ENTHD1: variants seen among roughly 807,000 people sequenced by gnomAD.
ENTHD1 encodes ENTH domain containing 1.
Under a neutral mutation model 39.1 loss-of-function variants are expected in ENTHD1, and 23 were observed. The observed-to-expected ratio is 0.59, with a 90% CI of 0.42 to 0.83. The LOEUF (loss-of-function observed/expected upper bound fraction) is 0.83, where lower values mean the gene tolerates loss of function less well. Among genes scored for constraint, ENTHD1 ranks in the 40% least tolerant of loss-of-function variants. The pLI, the probability that ENTHD1 is intolerant of heterozygous loss-of-function variation, is 0.00. For synonymous variants in ENTHD1, 230 were observed against 258.2 expected (o/e 0.89, Z 1.05); for missense variants, 624 against 705.4 (o/e 0.88, Z 1.31).
chr22:39,809,727 G>C (rs576887714), intron 5 of ENTHD1, among the ~76,000 whole-genome samples: 2 of 152,286 alleles, frequency 1.3e-5, no homozygotes, highest in African/African-American at 4.8e-5. Flanking sequence ...TCATCTGTAG[G>C]CTGAGATGAC....
At chr22:39,838,117 G>A (rs187577010) in intron 3 of ENTHD1, among the ~76,000 whole-genome samples, 2 of 152,242 alleles carry the variant, frequency 1.3e-5, no homozygotes, top group African/African-American at 2.4e-5. Flanking sequence ...TGTATTGACA[G>A]ATATACTGCA....
chr22:39,819,426 T>C (rs1337865313), intron 5 of ENTHD1, among the ~76,000 whole-genome samples: 1 of 149,812 alleles, frequency 6.7e-6, no homozygotes, highest in Admixed American at 6.6e-5. Flanking sequence ...AGAAAAGAGC[T>C]ATCAAGCCGT....
At chr22:39,814,351 T>C (rs929250980) in intron 5 of ENTHD1, among the ~76,000 whole-genome samples, 16 of 150,638 alleles carry the variant, frequency 1.1e-4, no homozygotes, top group African/African-American at 3.9e-4. Context: ...TCCCAGCTAC[T>C]TGGGAGGCTG....
chr22:39,752,927 T>G (rs1403563482), intron 6 of ENTHD1, among the ~76,000 whole-genome samples: 2 of 152,218 alleles, frequency 1.3e-5, no homozygotes, highest in African/African-American at 4.8e-5. Flanking sequence ...TTTCCTCAGT[T>G]TCTGGCTCTG....
intron 2 of ENTHD1, among the ~76,000 whole-genome samples, chr22:39,881,651 T>C (rs1444660440): frequency 2.0e-5 from 3 of 152,166 alleles, no homozygotes; most frequent in Admixed American, 6.5e-5. Context: ...TTAGTAGGGA[T>C]AGACAATAAA....
intron 5 of ENTHD1, among the ~76,000 whole-genome samples, chr22:39,791,969 T>C (rs1339249533): frequency 2.0e-5 from 3 of 152,120 alleles, no homozygotes; most frequent in African/African-American, 4.8e-5. Flanking sequence ...CTCCCACTTA[T>C]AAGTGAGAAT....
intron 5 of ENTHD1, among the ~76,000 whole-genome samples, chr22:39,772,445 A>G (rs2065334412): frequency 6.6e-6 from 1 of 152,196 alleles, no homozygotes; most frequent in Non-Finnish European, 1.5e-5. Flanking sequence ...TGCAATGGTG[A>G]CACAATATTA....
intron 6 of ENTHD1, among the ~76,000 whole-genome samples, chr22:39,759,696 A>T (rs2065215117): frequency 1.3e-5 from 2 of 151,966 alleles, no homozygotes; most frequent in South Asian, 2.1e-4. Flanking sequence ...TTCCTTTCTC[A>T]TATAAGCATT....
At chr22:39,783,560 T>C (rs2065429217) in intron 5 of ENTHD1, among the ~76,000 whole-genome samples, 1 of 151,856 alleles carries the variant, frequency 6.6e-6, no homozygotes, top group African/African-American at 2.4e-5. Context: ...CACAGACCAA[T>C]GGAACAGAAT....
rs2065077262 is a variant in ENTHD1, at chr22:39,743,671, T to C, written c.*8A>G. On this transcript the variant is annotated 3_prime_UTR_variant, in exon 7 of 7. Coordinates refer to ENST00000325157, the MANE Select transcript of ENTHD1 (RefSeq NM_152512.4). ...CACGAGTTCTATCAAAAATAGATAT[T>C]GTGATGATTAGATCTGATCTGAGCT... 9 of 1,574,018 alleles carry C rather than the reference T, an allele frequency of 5.7e-6. No homozygotes were observed. The East Asian group carries it at 1.8e-4, about 31-fold the overall frequency.
At chr22:39,812,540 C>T (rs529050469) in intron 5 of ENTHD1, among the ~76,000 whole-genome samples, 1 of 152,282 alleles carries the variant, frequency 6.6e-6, no homozygotes, top group African/African-American at 2.4e-5. Context: ...GAAAAATGCT[C>T]GACTTAGTGG....
chr22:39,871,145 G>A (rs2066239401), intron 2 of ENTHD1, among the ~76,000 whole-genome samples: 1 of 150,690 alleles, frequency 6.6e-6, no homozygotes, highest in Admixed American at 6.6e-5. Flanking sequence ...ACTCCAACCG[G>A]GGCAATGGAG....
intron 6 of ENTHD1, among the ~76,000 whole-genome samples, chr22:39,760,157 T>C (rs971429151): frequency 6.6e-6 from 1 of 152,054 alleles, no homozygotes; most frequent in East Asian, 1.9e-4. Context: ...GTAATGTTTT[T>C]GAATAGTTAT....
chr22:39,814,712 A>G (rs2065720220), intron 5 of ENTHD1, among the ~76,000 whole-genome samples: 1 of 152,216 alleles, frequency 6.6e-6, no homozygotes, highest in South Asian at 2.1e-4. Context: ...ATCCATTTAG[A>G]AGTAAAATTG....
intron 2 of ENTHD1, among the ~76,000 whole-genome samples, chr22:39,868,205 T>C (rs2066205625): frequency 6.6e-6 from 1 of 152,076 alleles, no homozygotes; most frequent in Non-Finnish European, 1.5e-5. Flanking sequence ...TGGAACTAAA[T>C]GAAGCCACCT....
intron 1 of ENTHD1, among the ~76,000 whole-genome samples, chr22:39,888,198 G>A (rs950016458): frequency 1.3e-5 from 2 of 150,866 alleles, no homozygotes; most frequent in African/African-American, 4.9e-5. Context: ...TACATGGACA[G>A]CAGACAAGCA....
At chr22:39,771,688 C>G (rs1006310151) in intron 5 of ENTHD1, among the ~76,000 whole-genome samples, 3 of 151,710 alleles carry the variant, frequency 2.0e-5, no homozygotes, top group Admixed American at 1.3e-4. Flanking sequence ...AGAATGACAC[C>G]ATTTTTTTTA....
intron 2 of ENTHD1, among the ~76,000 whole-genome samples, chr22:39,885,027 T>C (rs2066368814): frequency 6.6e-6 from 1 of 152,090 alleles, no homozygotes; most frequent in Non-Finnish European, 1.5e-5. Context: ...ATTTAAAAAT[T>C]TAGTGCATCA....
At chr22:39,890,572 G>T (rs1054197358) in intron 1 of ENTHD1, among the ~76,000 whole-genome samples, 1 of 151,854 alleles carries the variant, frequency 6.6e-6, no homozygotes, top group Admixed American at 6.6e-5. Flanking sequence ...CTATATTTTG[G>T]AAGAACAATC....
Sources: gnomAD v4.1 joint callset for allele counts (sites outside exome capture counted in the v4.1 genomes callset) on GRCh38, gnomAD v4.1.1 for gene constraint, MANE v1.5 for transcripts, NCBI Gene and HGNC (gene_info 2026-07-23, HGNC 2026-07-21) for gene names.